SH3D19: variants seen among roughly 807,000 people sequenced by gnomAD.
The protein encoded by SH3D19 is SH3 domain containing 19, also known as SH3 domain-containing protein 19.
SH3D19 carries 58 observed loss-of-function variants against 112.1 expected under a neutral mutation model. The ratio of observed to expected loss-of-function variants is 0.52; its 90% CI spans 0.42 to 0.64. The LOEUF (loss-of-function observed/expected upper bound fraction) is 0.64, where lower values mean the gene tolerates loss of function less well. Ranked by LOEUF, SH3D19 falls within the 30% of genes least tolerant of loss-of-function variation. The pLI, the probability that SH3D19 is intolerant of heterozygous loss-of-function variation, is 0.00. For synonymous variants in SH3D19, 391 were observed against 448.5 expected (o/e 0.87, Z 1.62); for missense variants, 1,090 against 1,263.4 (o/e 0.86, Z 2.08).
At chr4:151,201,737 A>G (rs1764413296) in intron 2 of SH3D19, among the ~76,000 whole-genome samples, 1 of 152,210 alleles carries the variant, frequency 6.6e-6, no homozygotes, top group Admixed American at 6.5e-5. Flanking sequence ...TAGGCCGGGC[A>G]CAGTGGCTCA....
chr4:151,204,982 G>C (rs1764895858), intron 2 of SH3D19, among the ~76,000 whole-genome samples: 1 of 151,898 alleles, frequency 6.6e-6, no homozygotes, highest in Admixed American at 6.6e-5. Context: ...CACCACACCT[G>C]GCTAATTTTT....
intron 18 of SH3D19, 22 bp downstream of exon 18, chr4:151,128,148 T>C (rs757979770): frequency 6.4e-7 from 1 of 1,568,976 alleles, no homozygotes; most frequent in Non-Finnish European, 8.6e-7. Context: ...GGAGTCGCAT[T>C]CATGTCTTGC....
intron 2 of SH3D19, among the ~76,000 whole-genome samples, chr4:151,220,277 T>C (rs1181325938): frequency 2.0e-5 from 3 of 152,264 alleles, no homozygotes; most frequent in Non-Finnish European, 4.4e-5. Context: ...CTTACTTCTA[T>C]GATTTTTAAT....
At chr4:151,303,591 C>T (rs1728659319) in intron 1 of SH3D19, among the ~76,000 whole-genome samples, 1 of 152,128 alleles carries the variant, frequency 6.6e-6, no homozygotes, top group Non-Finnish European at 1.5e-5. Context: ...GATTCCACTC[C>T]CCAGAGTATT....
intron 3 of SH3D19, among the ~76,000 whole-genome samples, chr4:151,184,965 T>C (rs1008978756): frequency 1.3e-5 from 2 of 151,862 alleles, no homozygotes; most frequent in African/African-American, 4.8e-5. Flanking sequence ...CCTGGTTTAG[T>C]ATTAAGAGCT....
Position 151,139,621 on chromosome 4 carries a change from G to C in SH3D19, c.2296+154C>G, listed in dbSNP as rs939463944. Reference sequence around the variant, plus strand: ...ATGGCTGGTACAATCAACCCTTCTTGAAGTGGAGTCCTGGATAAGATGACC... The same window carrying C: ...ATGGCTGGTACAATCAACCCTTCTTCAAGTGGAGTCCTGGATAAGATGACC... On this transcript the variant is annotated intron_variant, in intron 13 of 19. Coordinates refer to ENST00000604030, the MANE Select transcript of SH3D19 (RefSeq NM_001378122.1). Among the ~76,000 whole-genome samples, 10 of 152,132 alleles carry C rather than the reference G, an allele frequency of 6.6e-5. No individual in the cohort carries two copies. The East Asian group carries it at 1.2e-3, about 18-fold the overall frequency.
rs533962796 is a variant in SH3D19 at position 151,276,560 on chromosome 4, G to A, written c.112+48681C>T. Among the ~76,000 whole-genome samples, 5 of 152,260 alleles carry A rather than the reference G, an allele frequency of 3.3e-5. No homozygotes were observed. In the South Asian group the frequency reaches 6.2e-4, roughly 19 times the overall value. ...CCACCTCAGCTCCAGAGAAACTTGTGAGATAGGCTGTGGCCTCTGTTGCAA... is the reference window on the plus strand; with the variant it reads ...CCACCTCAGCTCCAGAGAAACTTGTAAGATAGGCTGTGGCCTCTGTTGCAA... On this transcript the variant is annotated intron_variant, in intron 1 of 19. Coordinates refer to ENST00000604030, the MANE Select transcript of SH3D19 (RefSeq NM_001378122.1).
At chr4:151,144,493 T>C (rs900035168) in intron 11 of SH3D19, 6 of 573,218 alleles carry the variant, frequency 1.0e-5, no homozygotes, top group East Asian at 2.8e-5. Flanking sequence ...GTTAGGCCCA[T>C]AGAACCACAA....
intron 1 of SH3D19, among the ~76,000 whole-genome samples, chr4:151,272,962 T>C (rs1406615516): frequency 6.6e-6 from 1 of 152,136 alleles, no homozygotes; most frequent in Non-Finnish European, 1.5e-5. Context: ...TAAGTGGTGA[T>C]TTTCTAATGC....
intron 2 of SH3D19, among the ~76,000 whole-genome samples, chr4:151,221,787 G>A (rs143208390): frequency 2.9e-4 from 44 of 152,206 alleles, no homozygotes; most frequent in African/African-American, 1.0e-3. Flanking sequence ...AATACTTTCC[G>A]AATACCCTCA....
chr4:151,192,031 G>T (rs1045281927), intron 2 of SH3D19, among the ~76,000 whole-genome samples: 1 of 144,800 alleles, frequency 6.9e-6, no homozygotes, highest in African/African-American at 2.6e-5. Context: ...TGCAAGCTCC[G>T]CCTCCTGGGT....
At chr4:151,319,421 G>A (rs1730324194) in intron 1 of SH3D19, among the ~76,000 whole-genome samples, 1 of 152,130 alleles carries the variant, frequency 6.6e-6, no homozygotes, top group African/African-American at 2.4e-5. Context: ...AGTTTCCATG[G>A]AACTTAAAAT....
chr4:151,167,645 GCT>G (rs1479897251), intron 7 of SH3D19, among the ~76,000 whole-genome samples: 14 of 152,154 alleles, frequency 9.2e-5, no homozygotes, highest in Admixed American at 8.5e-4. Flanking sequence ...CTATTTTACG[GCT>G]TCCGCCCTGT....
chr4:151,279,240 AT>A (rs34523834), intron 1 of SH3D19: 435 of 206,696 alleles, frequency 2.1e-3, no homozygotes, highest in Middle Eastern at 0.011. Flanking sequence ...TTCTTTTTCA[AT>A]TTTTTTTTTA....
chr4:151,236,762 G>A (rs932841479), intron 1 of SH3D19, among the ~76,000 whole-genome samples: 1 of 152,016 alleles, frequency 6.6e-6, no homozygotes, highest in African/African-American at 2.4e-5. Context: ...GAGAACTTTT[G>A]TGTCTAGCTA....
At chr4:151,266,098 G>T (rs1772769460) in intron 1 of SH3D19, 1 of 152,178 alleles carries the variant, frequency 6.6e-6, no homozygotes, top group African/African-American at 2.4e-5. Context: ...CATGTTTTAG[G>T]AAGAAGGTAA....
chr4:151,227,893 G>A, intron 1 of SH3D19: 2 of 985,398 alleles, frequency 2.0e-6, no homozygotes, highest in Non-Finnish European at 2.4e-6. Context: ...CACACAAGAG[G>A]AAGGGAGAAA....
At position 151,308,924 on chromosome 4, in the gene SH3D19, C is replaced by T. The variant is rs758480479; in HGVS notation, c.112+16317G>A. Among the ~76,000 whole-genome samples, 62 of 152,092 alleles carry T rather than the reference C, an allele frequency of 4.1e-4. 1 individual carries two copies. Among genetic ancestry groups the T allele is most frequent in the Middle Eastern group, 3.4e-3 (1 of 294 alleles). On this transcript the variant is annotated intron_variant, in intron 1 of 19. Transcript: ENST00000604030. ...TCTGTCACCCACCGGGACTAGAGTG[C>T]GGTGGCGCAATCTTGGCTTACTGCA...
At chr4:151,167,680 G>A (rs1314115883) in intron 7 of SH3D19, among the ~76,000 whole-genome samples, 1 of 152,126 alleles carries the variant, frequency 6.6e-6, no homozygotes, top group Non-Finnish European at 1.5e-5. Context: ...GAGTGTCTCT[G>A]CCCGACCGCC....
Sources: allele counts gnomAD v4.1 joint callset (sites outside exome capture counted in the v4.1 genomes callset), GRCh38; gene constraint gnomAD v4.1.1; transcripts MANE v1.5; gene names NCBI Gene and HGNC (gene_info 2026-07-23, HGNC 2026-07-21).